Variants in TMPRSS3 observed in about 807,000 individuals in gnomAD.
TMPRSS3 encodes transmembrane protease serine 3.
Under a neutral mutation model 59.6 loss-of-function variants are expected in TMPRSS3, and 55 were observed. The observed-to-expected ratio is 0.92, with a 90% CI of 0.74 to 1.16. The LOEUF (loss-of-function observed/expected upper bound fraction) is 1.16. Ranked by LOEUF, TMPRSS3 falls within the 50% of genes most tolerant of loss-of-function variation. TMPRSS3 has a pLI of 0.00. For synonymous variants in TMPRSS3, 257 were observed against 237.7 expected (o/e 1.08, Z -0.75); for missense variants, 596 against 579.4 (o/e 1.03, Z -0.29).
In TMPRSS3 at chr21:42,394,862, C is replaced by G. The variant is rs114786295; in HGVS notation, c.94+462G>C. ...AGGCATTTGTGACTTATTTACGAAA[C>G]CAACTTTTTTCCTTCAGTTGTTAGG... On this transcript the variant is annotated intron_variant, in intron 2 of 12. Coordinates refer to ENST00000644384, the MANE Select transcript of TMPRSS3 (RefSeq NM_001256317.3). 7.4e-3 allele frequency among the ~76,000 whole-genome samples: 1,123 copies of G among 152,294 alleles called. 12 individuals are homozygous for G. Among genetic ancestry groups the G allele is most frequent in the African/African-American group, 0.024 (1,015 of 41,566 alleles).
At chr21:42,376,738 C>T in intron 10 of TMPRSS3, 55 bp from the exon 11 acceptor site, 1 of 1,612,582 alleles carries the variant, frequency 6.2e-7, no homozygotes, top group Non-Finnish European at 8.5e-7. Flanking sequence ...GCCCAAAACA[C>T]AGAAGGCGCA....
intron 2 of TMPRSS3, 70 bp from the exon 3 acceptor site, chr21:42,390,107 T>G (rs2146452749): frequency 8.6e-7 from 1 of 1,157,266 alleles, no homozygotes; most frequent in Admixed American, 1.8e-5. Flanking sequence ...ACTTACAAAT[T>G]TAACTATCCT....
rs1223475939 is a variant in TMPRSS3, at chr21:42,371,942, C to A, written c.*820G>T. 2.2e-6 allele frequency: 1 copy of A among 454,510 alleles called. No individual in the cohort carries two copies. The highest frequency in any genetic ancestry group is 4.4e-6 in the Non-Finnish European group (1 of 226,796). 28.2% of individuals were successfully genotyped at this position (454,510 alleles called of 1,614,324 possible). On this transcript the variant is annotated 3_prime_UTR_variant, in exon 13 of 13. Transcript: ENST00000644384. ...TCAAAGGACAATAATACGTCAAGCA[C>A]CAAATGCTACAAAGAAATCATGAAA...
Position 42,395,443 on chromosome 21 carries a change from T to C in TMPRSS3, c.-26A>G. 3.1e-6 allele frequency: 5 copies of C among 1,598,694 alleles called. No individual in the cohort carries two copies. Among genetic ancestry groups the C allele is most frequent in the Non-Finnish European group, 4.3e-6 (5 of 1,166,062 alleles). ...GGTGACTATTTCAGGACCTCTGACA[T>C]CCGGCTCCGCCTCCACCTCTACCTC... On this transcript the variant is annotated 5_prime_UTR_variant, in exon 2 of 13. The change abolishes an upstream ATG in the 5' untranslated region. Transcript: ENST00000644384.
intron 5 of TMPRSS3, 88 bp from the exon 6 acceptor site, chr21:42,385,622 A>G (rs1353866872): frequency 6.5e-7 from 1 of 1,528,976 alleles, no homozygotes; most frequent in African/African-American, 1.4e-5. Context: ...TATTACAGGG[A>G]TTGTACATGG....
In TMPRSS3 at chr21:42,388,490, A is replaced by G; in HGVS notation, c.359T>C (p.Phe120Ser). The G allele has an allele frequency of 6.2e-6, 10 of 1,614,204 alleles. No homozygotes were observed. The highest frequency in any genetic ancestry group is 1.3e-5 in the African/African-American group (1 of 75,054). Residue 120 changes from phenylalanine (F) to serine (S), a missense_variant, in exon 5 of 13, where the codon TTC becomes TCC. Transcript: ENST00000644384. The surrounding 1 kb of genome is among the most constrained non-coding windows in gnomAD (Gnocchi z 5.1). ...VGGQNAVLQV[F>S]TAASWKTMCS... ...CATGGTCTTCCACGAAGCAGCTGTG[A>G]ACACCTGGAGCACGGCATTCTGACC...
chr21:42,376,743 G>A, intron 10 of TMPRSS3, 60 bp from the exon 11 acceptor site: 2 of 1,612,068 alleles, frequency 1.2e-6, no homozygotes, highest in Non-Finnish European at 1.7e-6. Context: ...AAACACAGAA[G>A]GCGCATGCTG....
At chr21:42,394,525 A>G (rs1174319527) in intron 2 of TMPRSS3, among the ~76,000 whole-genome samples, 2 of 152,192 alleles carry the variant, frequency 1.3e-5, no homozygotes, top group African/African-American at 4.8e-5. Flanking sequence ...ATTTTGAGCC[A>G]TATTTTTAAA....
chr21:42,384,220 G>C (rs990759740), intron 6 of TMPRSS3, among the ~76,000 whole-genome samples: 6 of 151,768 alleles, frequency 4.0e-5, no homozygotes, highest in African/African-American at 7.3e-5. Context: ...AACTAACAGT[G>C]AAGTATTGTG....
chr21:42,380,570 T>C (rs746532789), intron 9 of TMPRSS3, among the ~76,000 whole-genome samples: 6 of 152,196 alleles, frequency 3.9e-5, no homozygotes, highest in Non-Finnish European at 8.8e-5. Context: ...GGTACCCACA[T>C]AGGTGTGGCT....
In TMPRSS3 at chr21:42,383,052, C is replaced by T; in HGVS notation, c.763G>A (p.Ala255Thr). 2 of 1,614,138 alleles carry T rather than the reference C, an allele frequency of 1.2e-6. No individual in the cohort carries two copies. The highest frequency in any genetic ancestry group is 1.7e-6 in the Non-Finnish European group (2 of 1,180,036). Residue 255 changes from alanine to threonine, a missense_variant, in exon 8 of 13, where the codon GCT becomes ACT. Ala to Thr is a moderately conservative substitution (Grantham distance 58, BLOSUM62 0). Coordinates refer to ENST00000644384, the MANE Select transcript of TMPRSS3 (RefSeq NM_001256317.3). ...ACTCACTCATAAACACAGTGTGCAGCAGTGATGATCCACAGGGGCGTGATG... is the reference window on the plus strand; with the variant it reads ...ACTCACTCATAAACACAGTGTGCAGTAGTGATGATCCACAGGGGCGTGATG... ...SVITPLWIIT[A>T]AHCVYDLYLP...
intron 2 of TMPRSS3, among the ~76,000 whole-genome samples, chr21:42,392,694 G>T (rs981326513): frequency 6.6e-6 from 1 of 152,098 alleles, no homozygotes; most frequent in Non-Finnish European, 1.5e-5. Context: ...TCGATCCCCC[G>T]CACACTAACA....
At chr21:42,387,313 GAGGAAGA>G (rs2052652526) in intron 5 of TMPRSS3, among the ~76,000 whole-genome samples, 1 of 152,078 alleles carries the variant, frequency 6.6e-6, no homozygotes, top group Non-Finnish European at 1.5e-5. Context: ...CAATGAGTCA[GAGGAAGA>G]GGCTCAGCGG....
chr21:42,373,246 G>A (rs914599804), intron 12 of TMPRSS3, among the ~76,000 whole-genome samples: 4 of 152,202 alleles, frequency 2.6e-5, no homozygotes, highest in African/African-American at 4.8e-5. Context: ...GAAACGCACA[G>A]CGGGCCTGCT....
At chr21:42,381,933 A>T in intron 9 of TMPRSS3, 132 bp downstream of exon 9, 1 of 1,170,706 alleles carries the variant, frequency 8.5e-7, no homozygotes, top group Non-Finnish European at 1.3e-6. Context: ...CACCAACATG[A>T]ATCAGGAGTT....
At chr21:42,379,820 C>T (rs377484888) in intron 10 of TMPRSS3, among the ~76,000 whole-genome samples, 4 of 152,264 alleles carry the variant, frequency 2.6e-5, no homozygotes, top group East Asian at 1.9e-4. Context: ...TCTGTATGTC[C>T]TCAGTTAACA....
intron 8 of TMPRSS3, chr21:42,382,763 G>C (rs1189301499): frequency 5.6e-6 from 3 of 538,728 alleles, no homozygotes; most frequent in Admixed American, 3.1e-5. Context: ...CATTTTTGTG[G>C]GTTTCCTCCA....
chr21:42,388,776 C>G lies in TMPRSS3; in HGVS notation c.322+153G>C, dbSNP rs978915806. ...TGGAAGGCCCTCCCTGACCCCCCAG[C>G]CCAACATGTCTTTGGGCAAACGCCA... On this transcript the variant is annotated intron_variant, in intron 4 of 12. Coordinates refer to ENST00000644384, the MANE Select transcript of TMPRSS3 (RefSeq NM_001256317.3). The surrounding 1 kb of genome is among the most constrained non-coding windows in gnomAD (Gnocchi z 5.1). Among the ~76,000 whole-genome samples the G allele has an allele frequency of 6.6e-6, 1 of 152,208 alleles. No homozygotes were observed. Among genetic ancestry groups the G allele is most frequent in the Non-Finnish European group, 1.5e-5 (1 of 68,040 alleles).
chr21:42,382,975 C>T, intron 8 of TMPRSS3, 58 bp downstream of exon 8: 1 of 1,607,490 alleles, frequency 6.2e-7, no homozygotes, highest in South Asian at 1.1e-5. Context: ...AAAGCAGCCC[C>T]ACCCTGACAT....
Sources: gnomAD v4.1 joint callset for allele counts (sites outside exome capture counted in the v4.1 genomes callset) on GRCh38, gnomAD v4.1.1 for gene constraint, Gnocchi (gnomAD v3.1) non-coding constraint, MANE v1.5 for transcripts, NCBI Gene and HGNC (gene_info 2026-07-23, HGNC 2026-07-21) for gene names.